Variants in XKR6 observed in about 807,000 individuals in gnomAD.
XKR6 encodes XK-related protein 6.
XKR6 carries 22 observed loss-of-function variants against 56.7 expected under a neutral mutation model. That is an observed-to-expected ratio of 0.39 (90% CI 0.28 to 0.55). The LOEUF is 0.55. XKR6 is among the 20% of genes least tolerant of loss of function. XKR6 has a pLI of 0.66. For missense variants in XKR6, 852 were observed against 889.0 expected, an observed-to-expected ratio of 0.96 and a Z score of 0.53; for synonymous variants, 524 against 387.8, an observed-to-expected ratio of 1.35 and a Z score of -4.13.
intron 1 of XKR6, among the ~76,000 whole-genome samples, chr8:10,943,706 A>G (rs1801452735): frequency 6.6e-6 from 1 of 152,168 alleles, no homozygotes; most frequent in African/African-American, 2.4e-5. Context: ...TCAGATGAAG[A>G]GACCAAAGCA....
chr8:11,101,076 GCA>G lies in XKR6; in HGVS notation c.764+99498_764+99499del, dbSNP rs374129638. 2.5e-3 allele frequency among the ~76,000 whole-genome samples: 378 copies of G among 152,294 alleles called. 1 individual carries two copies. Among genetic ancestry groups the G allele is most frequent in the African/African-American group, 8.8e-3 (364 of 41,556 alleles). On this transcript the variant is annotated intron_variant, in intron 1 of 2. Transcript: ENST00000416569. ...AACGCTTTGAAAAGCATACACACGT[GCA>G]CACACACAATGCTCACGGGTAGTAT...
intron 1 of XKR6, among the ~76,000 whole-genome samples, chr8:11,046,971 A>T (rs1172282374): frequency 6.6e-6 from 1 of 152,118 alleles, no homozygotes; most frequent in Non-Finnish European, 1.5e-5. Context: ...AGAGAGGAGG[A>T]CGGTGAGTGC....
intron 1 of XKR6, among the ~76,000 whole-genome samples, chr8:11,094,562 G>T (rs556097238): frequency 8.5e-5 from 13 of 152,098 alleles, no homozygotes; most frequent in Admixed American, 2.0e-4. Flanking sequence ...GAAACAGAAA[G>T]GGACTTCTCC....
intron 1 of XKR6, among the ~76,000 whole-genome samples, chr8:11,161,479 C>G (rs1801807310): frequency 6.6e-6 from 1 of 152,254 alleles, no homozygotes; most frequent in South Asian, 2.1e-4. Flanking sequence ...ACTTGCATCT[C>G]ACAAACTACA....
intron 1 of XKR6, among the ~76,000 whole-genome samples, chr8:10,985,273 T>C (rs1563328550): frequency 1.3e-5 from 2 of 152,084 alleles, no homozygotes; most frequent in African/African-American, 4.8e-5. Context: ...GTTCTCATGA[T>C]TGAGAATAAG....
chr8:11,096,286 G>A (rs780293086), intron 1 of XKR6, among the ~76,000 whole-genome samples: 6 of 152,144 alleles, frequency 3.9e-5, no homozygotes, highest in African/African-American at 9.7e-5. Context: ...CAGATGCCTG[G>A]ATAAGCTGGC....
intron 1 of XKR6, among the ~76,000 whole-genome samples, chr8:10,957,950 G>C (rs1213186260): frequency 6.6e-6 from 1 of 151,928 alleles, no homozygotes; most frequent in Non-Finnish European, 1.5e-5. Flanking sequence ...GTGTACTATA[G>C]TTAGATTTGT....
At chr8:11,153,152 T>C (rs889574808) in intron 1 of XKR6, among the ~76,000 whole-genome samples, 12 of 152,176 alleles carry the variant, frequency 7.9e-5, no homozygotes, top group Admixed American at 2.6e-4. Context: ...TGAGCCTATA[T>C]AAAAATAACC....
chr8:11,088,832 G>C lies in XKR6; in HGVS notation c.764+111744C>G, dbSNP rs540902634. On this transcript the variant is annotated intron_variant, in intron 1 of 2. Coordinates refer to ENST00000416569, the MANE Select transcript of XKR6 (RefSeq NM_173683.4). ...AGTGCCTAGCCTAGCAAGATTAAGT[G>C]AACTTTAATGTGATCAATTCCATGT... is the stretch of plus-strand genomic sequence containing the variant. Among the ~76,000 whole-genome samples the C allele has an allele frequency of 2.6e-5, 4 of 152,328 alleles. No homozygotes were observed. In the East Asian group the frequency reaches 7.7e-4, roughly 29 times the overall value.
intron 1 of XKR6, among the ~76,000 whole-genome samples, chr8:11,093,057 T>TTTTC (rs1170408795): frequency 6.7e-6 from 1 of 150,038 alleles, no homozygotes; most frequent in Admixed American, 6.6e-5. Context: ...TTTCTTTTTC[T>TTTTC]TTTCTTTCTT....
intron 1 of XKR6, chr8:11,105,537 A>C (rs1013075364): frequency 6.6e-6 from 1 of 152,202 alleles, no homozygotes; most frequent in Admixed American, 6.5e-5. Flanking sequence ...CCTTCCCCAC[A>C]TTCCTACTGA....
intron 2 of XKR6, among the ~76,000 whole-genome samples, chr8:10,912,542 AAG>A (rs1313874172): frequency 2.6e-5 from 3 of 114,392 alleles, no homozygotes; most frequent in Admixed American, 8.7e-5. Context: ...TATATAGAGA[AAG>A]AGAGAGGGTG....
At chr8:11,048,661 G>C (rs532275711) in intron 1 of XKR6, among the ~76,000 whole-genome samples, 15 of 152,258 alleles carry the variant, frequency 9.9e-5, no homozygotes, top group Admixed American at 2.6e-4. Flanking sequence ...CAAATGAAGG[G>C]AGCCCTGGAG....
At position 10,934,371 on chromosome 8, in the gene XKR6, C is replaced by T. The variant is rs1188560675; in HGVS notation, c.765-9541G>A. Among the ~76,000 whole-genome samples, 9 of 40,110 alleles carry T rather than the reference C, an allele frequency of 2.2e-4. No homozygotes were observed. In the South Asian group the frequency reaches 8.8e-3, roughly 39 times the overall value. 26.3% of individuals were successfully genotyped at this position (40,110 alleles called of 152,430 possible). ...AGGGACAATTTGACTTCCTCTTTTCCTAATTGAATACCCTTTATTTCCTTC... is the reference window on the plus strand; with the variant it reads ...AGGGACAATTTGACTTCCTCTTTTCTTAATTGAATACCCTTTATTTCCTTC... On this transcript the variant is annotated intron_variant, in intron 1 of 2. Coordinates refer to ENST00000416569, the MANE Select transcript of XKR6 (RefSeq NM_173683.4).
At chr8:10,975,605 G>T (rs1340984702) in intron 1 of XKR6, among the ~76,000 whole-genome samples, 3 of 152,204 alleles carry the variant, frequency 2.0e-5, no homozygotes, top group Non-Finnish European at 4.4e-5. Flanking sequence ...GGATTTGTGT[G>T]ACTCCTCTCT....
Position 11,200,700 on chromosome 8 carries a change from C to A in XKR6, c.640G>T (p.Gly214Cys), listed in dbSNP as rs771874571. 2.5e-6 allele frequency: 4 copies of A among 1,574,770 alleles called. No individual in the cohort carries two copies. Among genetic ancestry groups the A allele is most frequent in the South Asian group, 1.1e-5 (1 of 86,984 alleles). The change falls in exon 1 of 3, where the codon GGC becomes TGC. Residue 214 changes from glycine to cysteine, a missense_variant. This residue lies in a region of XKR6 where 417 missense variants were observed against 355.2 expected (regional missense o/e 1.17). Coordinates refer to ENST00000416569, the MANE Select transcript of XKR6 (RefSeq NM_173683.4). The surrounding 1 kb of genome is among the most constrained non-coding windows in gnomAD (Gnocchi z 6.4). ...ACGCCTGGGCCACCGCGGGCCGCGC[C>A]GTGGACGTAGCCGGCCCCCATCATG... is the stretch of plus-strand genomic sequence containing the variant. ...PPMMGAGYVH[G>C]AARGGPGVRV...
At position 10,965,400 on chromosome 8, in the gene XKR6, A is replaced by C. The variant is rs573431869; in HGVS notation, c.765-40570T>G. Among the ~76,000 whole-genome samples the C allele has an allele frequency of 1.2e-4, 18 of 152,340 alleles. No individual in the cohort carries two copies. The South Asian group carries it at 3.3e-3, about 28-fold the overall frequency. On this transcript the variant is annotated intron_variant, in intron 1 of 2. Transcript: ENST00000416569. ...GGGGCCCCACAGACTTTCCCACTCAAGACACAGCCTAGAGGCAGCTGTCTG... is the reference window on the plus strand; with the variant it reads ...GGGGCCCCACAGACTTTCCCACTCACGACACAGCCTAGAGGCAGCTGTCTG...
At chr8:11,111,008 ATTTTTTTTTTTT>A (rs58233543) in intron 1 of XKR6, among the ~76,000 whole-genome samples, 1 of 114,218 alleles carries the variant, frequency 8.8e-6, no homozygotes, top group Non-Finnish European at 1.8e-5. Flanking sequence ...GGCTTTTTCT[ATTTTTTTTTTTT>A]TTTTTTTTTT....
chr8:10,911,339 ATGTGTGTG>A (rs57838606), intron 2 of XKR6, among the ~76,000 whole-genome samples: 1 of 111,932 alleles, frequency 8.9e-6, no homozygotes. Context: ...ATATATATAT[ATGTGTGTG>A]TGTGTGTGTA....
Sources: gnomAD v4.1 joint callset for allele counts (sites outside exome capture counted in the v4.1 genomes callset) on GRCh38, gnomAD v4.1.1 for gene constraint, gnomAD v4.1.1 regional missense constraint, Gnocchi (gnomAD v3.1) non-coding constraint, MANE v1.5 for transcripts, NCBI Gene and HGNC (gene_info 2026-07-23, HGNC 2026-07-21) for gene names.